EPHA5: variants seen among roughly 807,000 people sequenced by gnomAD.
EPHA5 encodes EPH receptor A5, also known as ephrin type-A receptor 5.
Under a neutral mutation model 105.0 loss-of-function variants are expected in EPHA5, and 60 were observed. That is an observed-to-expected ratio of 0.57 (90% CI 0.46 to 0.71). The LOEUF (loss-of-function observed/expected upper bound fraction) is 0.71, where lower values mean the gene tolerates loss of function less well. Among genes scored for constraint, EPHA5 ranks in the 30% least tolerant of loss-of-function variants. The pLI is 0.00. For synonymous variants in EPHA5, 513 were observed against 449.1 expected (o/e 1.14, Z -1.80); for missense variants, 1,218 against 1,274.7 (o/e 0.96, Z 0.68).
intron 3 of EPHA5, among the ~76,000 whole-genome samples, chr4:65,496,350 G>A (rs1334765078): frequency 6.7e-6 from 1 of 148,562 alleles, no homozygotes; most frequent in African/African-American, 2.5e-5. Flanking sequence ...TCTAGCATTA[G>A]GTATATCTCC....
chr4:65,665,622 A>G (rs1309608175), intron 1 of EPHA5, among the ~76,000 whole-genome samples: 1 of 152,146 alleles, frequency 6.6e-6, no homozygotes, highest in East Asian at 1.9e-4. Context: ...TTTCCAGATG[A>G]CAATATTACA....
At position 65,568,601 on chromosome 4, in the gene EPHA5, G is replaced by A. The variant is rs947330289; in HGVS notation, c.910+33040C>T. Reference sequence around the variant, plus strand: ...TATTGTGTTTTATTTTACATTAAAGGATAAATGAGCAAATGTTGTGAAATT... The same window carrying A: ...TATTGTGTTTTATTTTACATTAAAGAATAAATGAGCAAATGTTGTGAAATT... On this transcript the variant is annotated intron_variant, in intron 3 of 16. Coordinates refer to ENST00000613740, the MANE Select transcript of EPHA5 (RefSeq NM_001281766.3). 3.3e-5 allele frequency among the ~76,000 whole-genome samples: 5 copies of A among 150,728 alleles called. 1 individual carries two copies. Among genetic ancestry groups the A allele is most frequent in the African/African-American group, 1.2e-4 (5 of 41,336 alleles).
At chr4:65,354,283 T>C (rs933912007) in intron 11 of EPHA5, among the ~76,000 whole-genome samples, 5 of 151,852 alleles carry the variant, frequency 3.3e-5, no homozygotes, top group African/African-American at 1.2e-4. Flanking sequence ...ACCAAGAGAA[T>C]AGATCATCTC....
At chr4:65,397,073 AG>A (rs1721314887) in intron 8 of EPHA5, among the ~76,000 whole-genome samples, 1 of 152,226 alleles carries the variant, frequency 6.6e-6, no homozygotes, top group African/African-American at 2.4e-5. Flanking sequence ...GGACAGCAGG[AG>A]GAGGCCACTT....
At chr4:65,616,428 T>TAA (rs1745244172) in intron 2 of EPHA5, among the ~76,000 whole-genome samples, 2 of 143,554 alleles carry the variant, frequency 1.4e-5, no homozygotes, top group Non-Finnish European at 3.1e-5. Context: ...ACTTAATGCA[T>TAA]ACACACACAC....
intron 2 of EPHA5, among the ~76,000 whole-genome samples, chr4:65,609,050 C>T (rs1006297281): frequency 6.6e-6 from 1 of 152,080 alleles, no homozygotes; most frequent in African/African-American, 2.4e-5. Context: ...GTTCACTTTC[C>T]TTATTTTGGA....
At chr4:65,556,038 C>A (rs865899374) in intron 3 of EPHA5, among the ~76,000 whole-genome samples, 1 of 152,084 alleles carries the variant, frequency 6.6e-6, no homozygotes, top group South Asian at 2.1e-4. Context: ...TATTCCGATG[C>A]TGATGAATGT....
chr4:65,573,427 A>AG (rs1560715158), intron 3 of EPHA5: 4 of 1,003,182 alleles, frequency 4.0e-6, no homozygotes, highest in South Asian at 4.0e-5. Context: ...AAAAAAAAAA[A>AG]AAAAAAAAGA....
At chr4:65,606,975 C>T (rs28544069) in intron 2 of EPHA5, among the ~76,000 whole-genome samples, 9,441 of 152,162 alleles carry the variant, frequency 0.062, 395 homozygotes, top group Admixed American at 0.11. Flanking sequence ...AGCTGTTCTT[C>T]ACACTTTGAG....
At chr4:65,495,654 T>C in intron 3 of EPHA5, 111 bp from the exon 4 acceptor site, 2 of 818,672 alleles carry the variant, frequency 2.4e-6, no homozygotes, top group Non-Finnish European at 3.7e-6. Context: ...TAACACAATC[T>C]TTGCATCAAT....
At chr4:65,668,076 A>G (rs1297009964) in intron 1 of EPHA5, among the ~76,000 whole-genome samples, 3 of 152,208 alleles carry the variant, frequency 2.0e-5, no homozygotes, top group African/African-American at 7.2e-5. Context: ...AGCTATATAT[A>G]TGTATATAGA....
chr4:65,636,898 C>T (rs1747170519), intron 2 of EPHA5, among the ~76,000 whole-genome samples: 1 of 151,978 alleles, frequency 6.6e-6, no homozygotes, highest in Admixed American at 6.6e-5. Context: ...CTGCTGTAGC[C>T]CCAGTGCCTA....
intron 5 of EPHA5, among the ~76,000 whole-genome samples, chr4:65,467,166 T>C (rs1005306621): frequency 6.6e-5 from 10 of 152,194 alleles, no homozygotes; most frequent in African/African-American, 2.4e-4. Flanking sequence ...CTTTGTTTTC[T>C]ACTCAGCAGA....
At chr4:65,514,504 C>A (rs577418649) in intron 3 of EPHA5, among the ~76,000 whole-genome samples, 4 of 152,150 alleles carry the variant, frequency 2.6e-5, no homozygotes, top group Non-Finnish European at 5.9e-5. Flanking sequence ...TTAGAATGAA[C>A]CTACAGACAT....
chr4:65,665,568 T>C (rs1010744234), intron 1 of EPHA5, among the ~76,000 whole-genome samples: 1 of 152,134 alleles, frequency 6.6e-6, no homozygotes, highest in African/African-American at 2.4e-5. Flanking sequence ...TTTTTTTCCA[T>C]ACCAACTATA....
At chr4:65,331,096 T>C in intron 16 of EPHA5, 1 of 1,040,694 alleles carries the variant, frequency 9.6e-7, no homozygotes, top group Non-Finnish European at 1.2e-6. Context: ...GTTTAGTGCT[T>C]CAGAATATTC....
At chr4:65,342,707 T>C (rs530320346) in intron 14 of EPHA5, among the ~76,000 whole-genome samples, 7 of 151,586 alleles carry the variant, frequency 4.6e-5, no homozygotes, top group African/African-American at 1.7e-4. Flanking sequence ...ATAAGCAATA[T>C]ACATAAACAT....
At position 65,324,054 on chromosome 4, in the gene EPHA5, T is replaced by A. The variant is rs1037434796; in HGVS notation, c.*60A>T. ...TTCCCCCTTTTTTTGTTAAAATAAA[T>A]CTCAGTGCTGTTTACAAAGTGCAGA... On this transcript the variant is annotated 3_prime_UTR_variant, in exon 17 of 17. Transcript: ENST00000613740. The A allele has an allele frequency of 1.8e-6, 2 of 1,115,920 alleles. No individual in the cohort carries two copies. Among genetic ancestry groups the A allele is most frequent in the Admixed American group, 1.8e-5 (1 of 54,060 alleles). The allele number at this position is 1,115,920 out of a possible 1,614,324, so 69.1% of individuals were successfully genotyped here.
chr4:65,538,648 A>T (rs1393347194), intron 3 of EPHA5, among the ~76,000 whole-genome samples: 1 of 151,606 alleles, frequency 6.6e-6, no homozygotes, highest in Admixed American at 6.6e-5. Context: ...TCCTAGATGT[A>T]GTCTTCATTC....
Sources: allele counts gnomAD v4.1 joint callset (sites outside exome capture counted in the v4.1 genomes callset), GRCh38; gene constraint gnomAD v4.1.1; transcripts MANE v1.5; gene names NCBI Gene and HGNC (gene_info 2026-07-23, HGNC 2026-07-21).